Variants in SLC8A1 observed in about 807,000 individuals in gnomAD.
SLC8A1 encodes solute carrier family 8 member A1.
A neutral mutation model predicts 68.3 loss-of-function variants in SLC8A1; 18 were observed. The ratio of observed to expected loss-of-function variants is 0.26; its 90% CI spans 0.18 to 0.39. The LOEUF (loss-of-function observed/expected upper bound fraction) is 0.39. Ranked by LOEUF, SLC8A1 falls within the 10% of genes least tolerant of loss-of-function variation. The pLI, the probability that SLC8A1 is intolerant of heterozygous loss-of-function variation, is 1.00. For synonymous variants in SLC8A1, 475 were observed against 415.5 expected (o/e 1.14, Z -1.74); for missense variants, 985 against 1,156.7 (o/e 0.85, Z 2.15).
At chr2:40,490,831 C>T (rs1244394948) in intron 1 of SLC8A1, among the ~76,000 whole-genome samples, 1 of 152,122 alleles carries the variant, frequency 6.6e-6, no homozygotes, top group African/African-American at 2.4e-5. Context: ...CCAGTTGGAA[C>T]ATACGGGAAA....
chr2:40,315,387 A>T (rs1380214775), intron 2 of SLC8A1, among the ~76,000 whole-genome samples: 1 of 151,798 alleles, frequency 6.6e-6, no homozygotes, highest in Non-Finnish European at 1.5e-5. Context: ...TTGTGCCTCA[A>T]TGATACTAGA....
Position 40,484,336 on chromosome 2 carries a change from T to C in SLC8A1, c.-25+28013A>G, listed in dbSNP as rs142916031. The stretch of plus-strand genomic sequence containing the variant: ...TGGCATTATCCAATGCCAGAGGAAC[T>C]GTGGTGCAAGCTTTAGCACCCAGGG... On this transcript the variant is annotated intron_variant, in intron 1 of 7. Transcript: ENST00000402441. 3.9e-3 allele frequency among the ~76,000 whole-genome samples: 600 copies of C among 152,338 alleles called. 3 individuals carry two copies. The highest frequency in any genetic ancestry group is 0.014 in the African/African-American group (576 of 41,566).
At chr2:40,316,798 C>T (rs1575346454) in intron 2 of SLC8A1, among the ~76,000 whole-genome samples, 1 of 151,980 alleles carries the variant, frequency 6.6e-6, no homozygotes, top group African/African-American at 2.4e-5. Context: ...ATACATTACC[C>T]AGTGGTGGCC....
At chr2:40,402,296 G>GT (rs1171240243) in intron 2 of SLC8A1, among the ~76,000 whole-genome samples, 2 of 152,132 alleles carry the variant, frequency 1.3e-5, no homozygotes, top group African/African-American at 4.8e-5. Context: ...AACATGTATG[G>GT]TCTAAACAGG....
chr2:40,160,497 G>C (rs1178058866), intron 6 of SLC8A1, among the ~76,000 whole-genome samples: 1 of 152,134 alleles, frequency 6.6e-6, no homozygotes, highest in Non-Finnish European at 1.5e-5. Flanking sequence ...TCGTGAATTA[G>C]AGACACAAAA....
intron 2 of SLC8A1, among the ~76,000 whole-genome samples, chr2:40,302,707 G>C (rs928820488): frequency 6.6e-6 from 1 of 151,978 alleles, no homozygotes; most frequent in Non-Finnish European, 1.5e-5. Flanking sequence ...ACATGCATGT[G>C]CAAGTATCTT....
At chr2:40,105,151 C>T (rs2034116125) in exon 8 of SLC8A1, 1 of 152,128 alleles carries the variant, frequency 6.6e-6, no homozygotes, top group South Asian at 2.1e-4. Flanking sequence ...ATGTCAATAT[C>T]CTCCCACAGA....
chr2:40,221,274 C>T (rs1432535752), intron 2 of SLC8A1, among the ~76,000 whole-genome samples: 1 of 152,158 alleles, frequency 6.6e-6, no homozygotes, highest in Non-Finnish European at 1.5e-5. Context: ...GAACCAATGG[C>T]AAAAACCACA....
intron 2 of SLC8A1, among the ~76,000 whole-genome samples, chr2:40,322,381 G>A (rs1021765808): frequency 2.6e-5 from 4 of 151,798 alleles, no homozygotes; most frequent in East Asian, 1.9e-4. Flanking sequence ...TCACAAGCTG[G>A]GCAGTGTGGT....
At chr2:40,247,870 G>A (rs146711314) in intron 2 of SLC8A1, among the ~76,000 whole-genome samples, 114 of 152,262 alleles carry the variant, frequency 7.5e-4, no homozygotes, top group African/African-American at 2.4e-3. Flanking sequence ...AGGACTCCAC[G>A]TTCAATGCTA....
chr2:40,428,839 T>G, exon 2 of SLC8A1: 2 of 1,613,844 alleles, frequency 1.2e-6, no homozygotes, highest in Non-Finnish European at 1.7e-6. Context: ...GATATCATCA[T>G]CTATGATACC....
intron 1 of SLC8A1, among the ~76,000 whole-genome samples, chr2:40,501,408 C>T (rs1176507263): frequency 6.6e-6 from 1 of 152,108 alleles, no homozygotes; most frequent in Non-Finnish European, 1.5e-5. Context: ...TAATTGCATA[C>T]ATTTGCTCAC....
At chr2:40,124,632 T>C (rs1337618402) in intron 7 of SLC8A1, among the ~76,000 whole-genome samples, 1 of 148,924 alleles carries the variant, frequency 6.7e-6, no homozygotes, top group Non-Finnish European at 1.5e-5. Context: ...AAAAGTCTAC[T>C]AACTATTTGG....
chr2:40,326,373 G>A, intron 2 of SLC8A1, among the ~76,000 whole-genome samples: 1 of 151,870 alleles, frequency 6.6e-6, no homozygotes, highest in East Asian at 1.9e-4. Context: ...TTAGAGGAAA[G>A]ATCAAAAATA....
intron 2 of SLC8A1, among the ~76,000 whole-genome samples, chr2:40,193,882 CT>C (rs756068834): frequency 2.4e-4 from 37 of 152,220 alleles, no homozygotes; most frequent in Non-Finnish European, 4.0e-4. Flanking sequence ...GTCTGGCCCC[CT>C]ATCTCCAGTC....
intron 2 of SLC8A1, among the ~76,000 whole-genome samples, chr2:40,188,478 G>C (rs1214799220): frequency 2.0e-5 from 3 of 152,178 alleles, no homozygotes; most frequent in Admixed American, 1.3e-4. Context: ...TCAGACTGCT[G>C]GTTGCCCAAC....
At chr2:40,490,980 C>G (rs1705278070) in intron 1 of SLC8A1, among the ~76,000 whole-genome samples, 1 of 152,096 alleles carries the variant, frequency 6.6e-6, no homozygotes, top group Admixed American at 6.6e-5. Flanking sequence ...ATTCACTATA[C>G]CTTCTATGGA....
chr2:40,385,102 T>C (rs770205423), intron 2 of SLC8A1, among the ~76,000 whole-genome samples: 10 of 152,128 alleles, frequency 6.6e-5, no homozygotes, highest in African/African-American at 1.2e-4. Context: ...TCAACTCTTA[T>C]AGTACTTTTG....
At chr2:40,421,595 T>C (rs1000816245) in intron 2 of SLC8A1, among the ~76,000 whole-genome samples, 1 of 152,220 alleles carries the variant, frequency 6.6e-6, no homozygotes, top group African/African-American at 2.4e-5. Flanking sequence ...TGCCCTGTTA[T>C]CATGAGCACC....
Sources: allele counts gnomAD v4.1 joint callset (sites outside exome capture counted in the v4.1 genomes callset), GRCh38; gene constraint gnomAD v4.1.1; transcripts MANE v1.5; gene names NCBI Gene and HGNC (gene_info 2026-07-23, HGNC 2026-07-21).